MARCHF1: variants seen among roughly 807,000 people sequenced by gnomAD.
MARCHF1 encodes membrane associated ring-CH-type finger 1, also known as E3 ubiquitin-protein ligase MARCHF1.
In MARCHF1, 40 loss-of-function variants were observed where a neutral mutation model predicts 54.2. The observed-to-expected ratio is 0.74, with a 90% confidence interval of 0.57 to 0.96. MARCHF1 has a LOEUF of 0.96. Ranked by LOEUF, MARCHF1 falls within the 40% of genes least tolerant of loss-of-function variation. MARCHF1 has a pLI of 0.00. For synonymous variants in MARCHF1, 236 were observed against 236.3 expected (o/e 1.00, Z 0.01); for missense variants, 586 against 656.5 (o/e 0.89, Z 1.17).
At chr4:164,239,294 C>T (rs1240640130) in intron 1 of MARCHF1, among the ~76,000 whole-genome samples, 1 of 151,988 alleles carries the variant, frequency 6.6e-6, no homozygotes, top group Non-Finnish European at 1.5e-5. Context: ...TTTACAAGAA[C>T]TCTGGAGCAT....
intron 1 of MARCHF1, among the ~76,000 whole-genome samples, chr4:164,134,332 T>C (rs1756357705): frequency 6.6e-6 from 1 of 152,202 alleles, no homozygotes; most frequent in South Asian, 2.1e-4. Flanking sequence ...TATGCTAAAA[T>C]GCATTCTCAT....
intron 1 of MARCHF1, among the ~76,000 whole-genome samples, chr4:164,282,987 G>A (rs555848809): frequency 2.1e-4 from 32 of 151,246 alleles, no homozygotes; most frequent in African/African-American, 7.8e-4. Context: ...CATAGAAATG[G>A]GGTAAACTTG....
intron 7 of MARCHF1, among the ~76,000 whole-genome samples, chr4:163,587,259 G>C (rs1740440046): frequency 6.6e-6 from 1 of 152,188 alleles, no homozygotes; most frequent in Non-Finnish European, 1.5e-5. Context: ...CCAGCAGTTA[G>C]ACATGGCTAA....
At chr4:164,213,656 C>G (rs1270115161) in intron 1 of MARCHF1, among the ~76,000 whole-genome samples, 1 of 151,786 alleles carries the variant, frequency 6.6e-6, no homozygotes, top group Non-Finnish European at 1.5e-5. Flanking sequence ...AAATTAAAAC[C>G]AAAACGAATT....
intron 4 of MARCHF1, among the ~76,000 whole-genome samples, chr4:163,727,176 C>T (rs190469347): frequency 4.5e-4 from 68 of 152,058 alleles, no homozygotes; most frequent in African/African-American, 1.6e-3. Context: ...TCCATTTTAT[C>T]CTGTAAAAAT....
chr4:163,907,462 A>T (rs988388192), intron 3 of MARCHF1, among the ~76,000 whole-genome samples: 1 of 152,238 alleles, frequency 6.6e-6, no homozygotes, highest in Admixed American at 6.6e-5. Context: ...CACCTATCTT[A>T]TTACTTCCTT....
At chr4:164,148,781 G>T (rs1266153126) in intron 1 of MARCHF1, among the ~76,000 whole-genome samples, 2 of 142,474 alleles carry the variant, frequency 1.4e-5, no homozygotes, top group African/African-American at 5.3e-5. Context: ...ATTCTAGAAG[G>T]TTCTAGCAAA....
At chr4:163,980,857 AT>A (rs1177206830) in intron 3 of MARCHF1, among the ~76,000 whole-genome samples, 5 of 152,208 alleles carry the variant, frequency 3.3e-5, no homozygotes, top group Admixed American at 2.6e-4. Flanking sequence ...TTGATAATTA[AT>A]TTTGAATAAA....
At chr4:163,744,020 G>A (rs1318418786) in intron 4 of MARCHF1, among the ~76,000 whole-genome samples, 2 of 152,174 alleles carry the variant, frequency 1.3e-5, no homozygotes, top group African/African-American at 4.8e-5. Flanking sequence ...TACTTCAAAT[G>A]TAGTTGTTCC....
At chr4:163,671,857 G>C (rs1184221204) in intron 5 of MARCHF1, among the ~76,000 whole-genome samples, 1 of 151,836 alleles carries the variant, frequency 6.6e-6, no homozygotes, top group East Asian at 1.9e-4. Context: ...AGATAAAAGA[G>C]AACAGGAAGT....
intron 8 of MARCHF1, among the ~76,000 whole-genome samples, chr4:163,581,128 G>C (rs968728144): frequency 6.6e-6 from 1 of 152,176 alleles, no homozygotes; most frequent in Non-Finnish European, 1.5e-5. Flanking sequence ...TGTTTAAAGA[G>C]AGAATGTCTC....
chr4:164,177,553 A>C (rs1730721294), intron 1 of MARCHF1, among the ~76,000 whole-genome samples: 1 of 152,066 alleles, frequency 6.6e-6, no homozygotes, highest in Admixed American at 6.5e-5. Flanking sequence ...AACTAAGGAC[A>C]AGTTCTTTTT....
At chr4:164,299,131 C>T (rs1334330344) in intron 1 of MARCHF1, among the ~76,000 whole-genome samples, 1 of 152,032 alleles carries the variant, frequency 6.6e-6, no homozygotes, top group Non-Finnish European at 1.5e-5. Context: ...AAACATTAAA[C>T]TCTTATTCAT....
intron 2 of MARCHF1, among the ~76,000 whole-genome samples, chr4:164,078,994 CG>C (rs1381948930): frequency 6.6e-6 from 1 of 152,086 alleles, no homozygotes; most frequent in Non-Finnish European, 1.5e-5. Context: ...TTAACAATCA[CG>C]GATGGTAAAG....
intron 8 of MARCHF1, among the ~76,000 whole-genome samples, chr4:163,560,652 T>G (rs1313160648): frequency 6.6e-6 from 1 of 152,172 alleles, no homozygotes. Context: ...TTCCAACCCA[T>G]GACAATAATA....
chr4:163,873,944 T>G (rs1178592979), intron 3 of MARCHF1, among the ~76,000 whole-genome samples: 2 of 152,362 alleles, frequency 1.3e-5, no homozygotes, highest in Non-Finnish European at 2.9e-5. Flanking sequence ...TTCTATAGGC[T>G]AGCTGGGTTA....
In MARCHF1 at chr4:163,575,060, T is replaced by C. The variant is rs115554577; in HGVS notation, c.1191+10689A>G. On this transcript the variant is annotated intron_variant, in intron 8 of 9. Transcript: ENST00000514618. ...GCTATGGCTATCACTTCCAGTACTA[T>C]GTTGAATAGGAGCGGTGAGAGTAAG... Among the ~76,000 whole-genome samples the C allele has an allele frequency of 1.2e-3, 190 of 152,174 alleles. 2 individuals carry two copies. Among genetic ancestry groups the C allele is most frequent in the African/African-American group, 4.4e-3 (182 of 41,528 alleles).
chr4:163,984,200 AGG>A (rs1249688658), intron 3 of MARCHF1, among the ~76,000 whole-genome samples: 1 of 148,516 alleles, frequency 6.7e-6, no homozygotes, highest in African/African-American at 2.6e-5. Flanking sequence ...AGATCTTAAA[AGG>A]GATATCTCAG....
At chr4:164,356,918 C>G (rs1242106069) in intron 1 of MARCHF1, among the ~76,000 whole-genome samples, 1 of 151,486 alleles carries the variant, frequency 6.6e-6, no homozygotes, top group Admixed American at 6.6e-5. Context: ...CACATGGACA[C>G]ATAGAGGAGA....
Sources: gnomAD v4.1 joint callset for allele counts (sites outside exome capture counted in the v4.1 genomes callset) on GRCh38, gnomAD v4.1.1 for gene constraint, MANE v1.5 for transcripts, NCBI Gene and HGNC (gene_info 2026-07-23, HGNC 2026-07-21) for gene names.